Variants in SNAPC1 observed in about 807,000 individuals in gnomAD.
SNAPC1 encodes the protein snRNA-activating protein complex subunit 1.
Under a neutral mutation model 50.1 loss-of-function variants are expected in SNAPC1, and 42 were observed. The ratio of observed to expected loss-of-function variants is 0.84; its 90% CI spans 0.65 to 1.08. SNAPC1 has a LOEUF of 1.08. SNAPC1 is among the 50% of genes least tolerant of loss of function. SNAPC1 has a pLI of 0.00. For missense variants in SNAPC1, 477 were observed against 427.3 expected (o/e 1.12, Z -1.02); for synonymous variants, 164 against 144.2 (o/e 1.14, Z -0.98).
At chr14:61,774,586 T>C (rs989924875) in intron 4 of SNAPC1, among the ~76,000 whole-genome samples, 1 of 151,548 alleles carries the variant, frequency 6.6e-6, no homozygotes, top group Non-Finnish European at 1.5e-5. Flanking sequence ...GTCTGGACAC[T>C]GTTCTCCCAT....
At position 61,777,207 on chromosome 14, in the gene SNAPC1, T is replaced by C. The variant is rs887744236; in HGVS notation, c.694-865T>C. On this transcript the variant is annotated intron_variant, in intron 5 of 9. Coordinates refer to ENST00000216294, the MANE Select transcript of SNAPC1 (RefSeq NM_003082.4). The stretch of plus-strand genomic sequence containing the variant: ...GCTCAAAACTTAATTTTAGAAAAGA[T>C]AAACAAGGAAACTGATAAGATGATA... Among the ~76,000 whole-genome samples the C allele has an allele frequency of 2.2e-4, 32 of 143,692 alleles. 1 individual carries two copies. Among genetic ancestry groups the C allele is most frequent in the African/African-American group, 8.0e-4 (30 of 37,456 alleles). The allele number at this position is 143,692 out of a possible 152,430, so 94.3% of individuals were successfully genotyped here.
chr14:61,779,681 ATTTG>A (rs139283736), intron 7 of SNAPC1, among the ~76,000 whole-genome samples: 20,526 of 102,518 alleles, frequency 0.2, 1,734 homozygotes, highest in South Asian at 0.39. Flanking sequence ...TTTTTTTTCT[ATTTG>A]TTTGAACTCT....
rs111959579 is a variant in SNAPC1 at position 61,792,483 on chromosome 14, ATTC to A, written c.977-321_977-319del. 8.6e-3 allele frequency among the ~76,000 whole-genome samples: 1,306 copies of A among 152,354 alleles called. 7 individuals carry two copies. The highest frequency in any genetic ancestry group is 0.031 in the Middle Eastern group (9 of 294). On this transcript the variant is annotated intron_variant, in intron 8 of 9. Coordinates refer to ENST00000216294, the MANE Select transcript of SNAPC1 (RefSeq NM_003082.4). ...TAAAGTTGAAGTAACATATGTGATT[ATTC>A]TTTGATGGCTGCAGATATAACCCCT...
intron 1 of SNAPC1, among the ~76,000 whole-genome samples, chr14:61,763,008 T>TTTTTTTA (rs398025347): frequency 7.5e-6 from 1 of 133,980 alleles, no homozygotes. Context: ...TTTTTTTTTT[T>TTTTTTTA]GAGACGGAGT....
rs539312429 is a variant in SNAPC1, at chr14:61,769,542, C to T, written c.534+802C>T. Among the ~76,000 whole-genome samples, 12 of 151,610 alleles carry T rather than the reference C, an allele frequency of 7.9e-5. No homozygotes were observed. The South Asian group carries it at 2.5e-3, about 32-fold the overall frequency. On this transcript the variant is annotated intron_variant, in intron 4 of 9. Transcript: ENST00000216294. ...CCTCCCGAGTAGCTGGGACCACAGG[C>T]GTGTGCCACCATGCCCGGCTGATTT...
intron 8 of SNAPC1, among the ~76,000 whole-genome samples, chr14:61,785,907 A>G (rs1486762473): frequency 7.7e-6 from 1 of 130,698 alleles, no homozygotes; most frequent in Non-Finnish European, 1.6e-5. Flanking sequence ...GGTTTGCCCT[A>G]AGCAGTTCCA....
Position 61,768,753 on chromosome 14 carries a change from T to C in SNAPC1, c.534+13T>C. The C allele has an allele frequency of 6.8e-7, 1 of 1,475,812 alleles. No individual in the cohort carries two copies. Among genetic ancestry groups the C allele is most frequent in the Non-Finnish European group, 9.4e-7 (1 of 1,063,436 alleles). The allele number at this position is 1,475,812 out of a possible 1,614,324, so 91.4% of individuals were successfully genotyped here. ...TGATGTATTAGAGGTAAATTTTCTT[T>C]TATGCTCTTGAAAATTTTTAAAAAT... On this transcript the variant is annotated intron_variant, in intron 4 of 9. Transcript: ENST00000216294.
Position 61,762,458 on chromosome 14 carries a change from G to C in SNAPC1, c.-3G>C. 6.2e-7 allele frequency: 1 copy of C among 1,612,712 alleles called. No individual in the cohort carries two copies. Among genetic ancestry groups the C allele is most frequent in the African/African-American group, 1.3e-5 (1 of 75,064 alleles). ...CTTCGGAGGCGTGCGGGCTTCGGGT[G>C]CCATGGGGACTCCTCCCGGCCTGCA... is the stretch of plus-strand genomic sequence containing the variant. On this transcript the variant is annotated 5_prime_UTR_variant, in exon 1 of 10. Coordinates refer to ENST00000216294, the MANE Select transcript of SNAPC1 (RefSeq NM_003082.4).
chr14:61,790,420 C>A (rs1420807444), intron 8 of SNAPC1, among the ~76,000 whole-genome samples: 3 of 152,180 alleles, frequency 2.0e-5, no homozygotes, highest in Non-Finnish European at 4.4e-5. Flanking sequence ...ACTGCAACCT[C>A]CACCTCCTGG....
intron 7 of SNAPC1, among the ~76,000 whole-genome samples, chr14:61,781,812 T>G (rs1389055134): frequency 3.9e-5 from 6 of 152,092 alleles, no homozygotes; most frequent in African/African-American, 1.4e-4. Flanking sequence ...GCCTCCCCAC[T>G]CCCAACAAAT....
At chr14:61,775,972 C>T in intron 4 of SNAPC1, 123 bp from the exon 5 acceptor site, 1 of 640,810 alleles carries the variant, frequency 1.6e-6, no homozygotes, top group Non-Finnish European at 2.6e-6. Context: ...TTTTAATATA[C>T]TATAGCATGT....
In SNAPC1 at chr14:61,778,128, A is replaced by G; in HGVS notation, c.750A>G (p.Ser250=). Residue 250 remains serine (S), a synonymous_variant, in exon 6 of 10, where the codon TCA becomes TCG. Transcript: ENST00000216294. ...NDGEEKMEGN[S]QETERCERAE... ...GAGAAGAAAAAATGGAAGGAAATTCACAAGAAACGGAGGTCAGAAAACTTT... is the reference window on the plus strand; with the variant it reads ...GAGAAGAAAAAATGGAAGGAAATTCGCAAGAAACGGAGGTCAGAAAACTTT... 1 of 1,603,648 alleles carries G rather than the reference A, an allele frequency of 6.2e-7. No homozygotes were observed. Among genetic ancestry groups the G allele is most frequent in the East Asian group, 2.2e-5 (1 of 44,588 alleles).
Position 61,780,871 on chromosome 14 carries a change from G to A in SNAPC1, c.826-1376G>A, listed in dbSNP as rs372545889. On this transcript the variant is annotated intron_variant, in intron 7 of 9. Coordinates refer to ENST00000216294, the MANE Select transcript of SNAPC1 (RefSeq NM_003082.4). ...TCTGCATCCATGGATTGAACCAATT[G>A]TGGATTGAAAATATTTGAAAAAAAA... is the stretch of plus-strand genomic sequence containing the variant. 1.8e-4 allele frequency among the ~76,000 whole-genome samples: 27 copies of A among 149,352 alleles called. No homozygotes were observed. In the East Asian group the frequency reaches 2.9e-3, roughly 16 times the overall value.
intron 1 of SNAPC1, among the ~76,000 whole-genome samples, chr14:61,765,152 G>A (rs1256153592): frequency 6.6e-6 from 1 of 152,186 alleles, no homozygotes; most frequent in Admixed American, 6.5e-5. Context: ...TTTATCCAAA[G>A]TGGTAAGAAG....
At chr14:61,784,710 G>C (rs2045102218) in intron 8 of SNAPC1, among the ~76,000 whole-genome samples, 1 of 152,186 alleles carries the variant, frequency 6.6e-6, no homozygotes, top group African/African-American at 2.4e-5. Flanking sequence ...CCTGCCCTAG[G>C]TAAAATAGAA....
At chr14:61,769,811 C>T (rs1432117781) in intron 4 of SNAPC1, among the ~76,000 whole-genome samples, 5 of 152,108 alleles carry the variant, frequency 3.3e-5, no homozygotes, top group South Asian at 4.1e-4. Context: ...AAATCTTATG[C>T]ATGGATAAGT....
chr14:61,774,715 G>A lies in SNAPC1; in HGVS notation c.535-1380G>A, dbSNP rs553182345. Among the ~76,000 whole-genome samples the A allele has an allele frequency of 7.1e-4, 99 of 139,252 alleles. 3 individuals are homozygous for A. In the South Asian group the frequency reaches 0.021, roughly 30 times the overall value. 91.4% of individuals were successfully genotyped at this position (139,252 alleles called of 152,430 possible). On this transcript the variant is annotated intron_variant, in intron 4 of 9. Transcript: ENST00000216294. ...TTTCACTCTTGTTGCGCAGGCTGGA[G>A]TGCAATGGTGCGATCCTGGCTTACC... is the stretch of plus-strand genomic sequence containing the variant.
intron 8 of SNAPC1, among the ~76,000 whole-genome samples, chr14:61,783,885 C>T (rs1260395308): frequency 2.0e-5 from 3 of 152,036 alleles, no homozygotes; most frequent in Non-Finnish European, 4.4e-5. Flanking sequence ...ATGCACCCTA[C>T]ATAAATTTGG....
At chr14:61,784,279 A>G (rs1401753463) in intron 8 of SNAPC1, among the ~76,000 whole-genome samples, 1 of 152,212 alleles carries the variant, frequency 6.6e-6, no homozygotes, top group Admixed American at 6.5e-5. Context: ...AAAAAATCCT[A>G]AGTCACATGT....
Sources: allele counts gnomAD v4.1 joint callset (sites outside exome capture counted in the v4.1 genomes callset), GRCh38; gene constraint gnomAD v4.1.1; transcripts MANE v1.5; gene names NCBI Gene and HGNC (gene_info 2026-07-23, HGNC 2026-07-21).